The following PDZRN4 variants were observed in gnomAD, a reference collection of about 807,000 sequenced individuals.
PDZRN4 encodes PDZ domain-containing RING finger protein 4.
In PDZRN4, 70 loss-of-function variants were observed where a neutral mutation model predicts 99.0. The observed-to-expected ratio is 0.71, with a 90% CI of 0.58 to 0.86. The LOEUF (loss-of-function observed/expected upper bound fraction) is 0.86, where lower values mean the gene tolerates loss of function less well. Among genes scored for constraint, PDZRN4 ranks in the 40% least tolerant of loss-of-function variants. The pLI is 0.00. For synonymous variants in PDZRN4, 551 were observed against 501.6 expected (o/e 1.10, Z -1.32); for missense variants, 1,474 against 1,331.2 (o/e 1.11, Z -1.67).
chr12:41,212,221 C>A (rs1950892798), intron 3 of PDZRN4, among the ~76,000 whole-genome samples: 1 of 151,952 alleles, frequency 6.6e-6, no homozygotes, highest in South Asian at 2.1e-4. Flanking sequence ...TTTTCTCAGA[C>A]CAAAGTATTG....
intron 7 of PDZRN4, among the ~76,000 whole-genome samples, chr12:41,557,825 G>A (rs1939194728): frequency 6.6e-6 from 1 of 152,158 alleles, no homozygotes; most frequent in Non-Finnish European, 1.5e-5. Context: ...TCCCGAAATA[G>A]TGATCTATAG....
intron 3 of PDZRN4, among the ~76,000 whole-genome samples, chr12:41,384,570 T>A (rs543289221): frequency 6.6e-6 from 1 of 152,318 alleles, no homozygotes; most frequent in East Asian, 1.9e-4. Flanking sequence ...TCCTCCGCTC[T>A]TGGAATGGGT....
chr12:41,299,717 T>C (rs1951521105), intron 3 of PDZRN4, among the ~76,000 whole-genome samples: 1 of 104,812 alleles, frequency 9.5e-6, no homozygotes, highest in African/African-American at 2.6e-5. Flanking sequence ...CTTTATAAAA[T>C]TGAGTTAGTT....
intron 3 of PDZRN4, among the ~76,000 whole-genome samples, chr12:41,364,268 T>G (rs1951982268): frequency 6.6e-6 from 1 of 152,082 alleles, no homozygotes; most frequent in Admixed American, 6.6e-5. Flanking sequence ...ATTTACACAG[T>G]GTTTAATAAT....
At chr12:41,543,190 C>T (rs577547167) in intron 5 of PDZRN4, among the ~76,000 whole-genome samples, 4 of 152,324 alleles carry the variant, frequency 2.6e-5, no homozygotes, top group African/African-American at 9.6e-5. Flanking sequence ...TTCATCCAAT[C>T]TATCTTTTAC....
rs10879831 is a variant in PDZRN4 at position 41,188,801 on chromosome 12, G to T, written c.346G>T (p.Gly116Trp). ...CCCTGCCCGCCGGCTCCGCAGCCGC[G>T]GGGGCTGCGCTTCGGGGCTGGGCGG... ...FGPARRLRSR[G>W]GCASGLGGGE... is the part of the protein sequence containing the mutation. Residue 116 changes from glycine (G) to tryptophan (W), a missense_variant, in exon 1 of 10, where the codon GGG becomes TGG. Transcript: ENST00000402685. 4 of 1,351,028 alleles carry T rather than the reference G, an allele frequency of 3.0e-6. No homozygotes were observed. The highest frequency in any genetic ancestry group is 3.1e-5 in the East Asian group (1 of 32,246). The allele number at this position is 1,351,028 out of a possible 1,614,324, so 83.7% of individuals were successfully genotyped here. A position where few individuals can be genotyped will look rare whatever the true frequency, so the allele number is the denominator to read the frequency against.
intron 3 of PDZRN4, among the ~76,000 whole-genome samples, chr12:41,460,955 A>C (rs1185326537): frequency 1.3e-5 from 2 of 152,310 alleles, no homozygotes; most frequent in South Asian, 2.1e-4. Context: ...ATCCCTACAT[A>C]TACAAGGGGT....
At chr12:41,441,100 G>A (rs1475339372) in intron 3 of PDZRN4, among the ~76,000 whole-genome samples, 1 of 152,126 alleles carries the variant, frequency 6.6e-6, no homozygotes, top group East Asian at 1.9e-4. Context: ...TTATTGATGG[G>A]ATGTTCGTTG....
At chr12:41,313,407 C>G (rs1215043100) in intron 3 of PDZRN4, among the ~76,000 whole-genome samples, 1 of 152,110 alleles carries the variant, frequency 6.6e-6, no homozygotes, top group Non-Finnish European at 1.5e-5. Context: ...AGCAATGTTC[C>G]TACTAACAAG....
At chr12:41,508,766 G>C (rs189398721) in intron 4 of PDZRN4, among the ~76,000 whole-genome samples, 3 of 152,250 alleles carry the variant, frequency 2.0e-5, no homozygotes, top group Non-Finnish European at 4.4e-5. Context: ...AGTGAGGAGA[G>C]GCTGGTAGAA....
chr12:41,516,562 A>C (rs1938403714), intron 5 of PDZRN4, among the ~76,000 whole-genome samples: 1 of 152,070 alleles, frequency 6.6e-6, no homozygotes, highest in Non-Finnish European at 1.5e-5. Flanking sequence ...GCCAGTTTGT[A>C]AAGGAAGAAA....
At chr12:41,549,203 T>C (rs1251034406) in intron 5 of PDZRN4, among the ~76,000 whole-genome samples, 1 of 152,154 alleles carries the variant, frequency 6.6e-6, no homozygotes, top group Non-Finnish European at 1.5e-5. Context: ...TTTTATGTGT[T>C]TCATCAAACA....
chr12:41,404,830 G>A (rs563490361), intron 3 of PDZRN4, among the ~76,000 whole-genome samples: 117 of 148,742 alleles, frequency 7.9e-4, no homozygotes, highest in African/African-American at 2.7e-3. Context: ...GAAGTCATAC[G>A]CTTACATCTA....
At chr12:41,307,059 C>G (rs1347825770) in intron 3 of PDZRN4, among the ~76,000 whole-genome samples, 2 of 152,146 alleles carry the variant, frequency 1.3e-5, no homozygotes, top group Non-Finnish European at 2.9e-5. Flanking sequence ...CATTTTCTAT[C>G]ATGCACCTTG....
At chr12:41,312,485 C>T (rs889898112) in intron 3 of PDZRN4, among the ~76,000 whole-genome samples, 1 of 152,080 alleles carries the variant, frequency 6.6e-6, no homozygotes, top group East Asian at 1.9e-4. Context: ...TGTTCTCATG[C>T]CGCTAATAAA....
At chr12:41,564,724 G>A (rs1201388955) in intron 8 of PDZRN4, among the ~76,000 whole-genome samples, 1 of 151,768 alleles carries the variant, frequency 6.6e-6, no homozygotes, top group Non-Finnish European at 1.5e-5. Context: ...TAGGAGTGGG[G>A]AAAAAAGCCC....
intron 3 of PDZRN4, among the ~76,000 whole-genome samples, chr12:41,457,072 A>C (rs1336182542): frequency 1.3e-5 from 2 of 152,178 alleles, no homozygotes; most frequent in Non-Finnish European, 2.9e-5. Context: ...ATTATACTAT[A>C]GATTTTCTTA....
intron 3 of PDZRN4, among the ~76,000 whole-genome samples, chr12:41,205,434 C>A (rs1950842353): frequency 6.6e-6 from 1 of 151,924 alleles, no homozygotes; most frequent in South Asian, 2.1e-4. Context: ...CCTCCTCTGG[C>A]ACTCCTATAT....
At chr12:41,253,912 C>T (rs925744380) in intron 3 of PDZRN4, among the ~76,000 whole-genome samples, 3 of 151,880 alleles carry the variant, frequency 2.0e-5, no homozygotes, top group African/African-American at 4.8e-5. Context: ...TATTCTCACT[C>T]ATATGGAGAA....
Sources: gnomAD v4.1 joint callset for allele counts (sites outside exome capture counted in the v4.1 genomes callset) on GRCh38, gnomAD v4.1.1 for gene constraint, MANE v1.5 for transcripts, NCBI Gene and HGNC (gene_info 2026-07-23, HGNC 2026-07-21) for gene names.